The following PDZRN4 variants were observed in gnomAD, a reference collection of about 807,000 sequenced individuals.
PDZRN4 encodes PDZ domain containing ring finger 4.
A neutral mutation model predicts 99.0 loss-of-function variants in PDZRN4; 70 were observed. The ratio of observed to expected loss-of-function variants is 0.71; its 90% CI spans 0.58 to 0.86. PDZRN4 has a LOEUF of 0.86. Ranked by LOEUF, PDZRN4 falls within the 40% of genes least tolerant of loss-of-function variation. The pLI is 0.00. For missense variants in PDZRN4, 1,474 were observed against 1,331.2 expected, an observed-to-expected ratio of 1.11 and a Z score of -1.67; for synonymous variants, 551 against 501.6, an observed-to-expected ratio of 1.10 and a Z score of -1.32.
At position 41,501,202 on chromosome 12, in the gene PDZRN4, T is replaced by C. The variant is rs77777402; in HGVS notation, c.844-5254T>C. Among the ~76,000 whole-genome samples the C allele has an allele frequency of 6.1e-3, 926 of 152,266 alleles. 39 individuals carry two copies. The East Asian group carries it at 0.12, about 20-fold the overall frequency. On this transcript the variant is annotated intron_variant, in intron 3 of 9. Coordinates refer to ENST00000402685, the MANE Select transcript of PDZRN4 (RefSeq NM_001164595.2). ...ATAGGTGCTTAGAAGCCCTTATTTC[T>C]CATAAGAGGCATGGAGATTTGGAAA...
intron 3 of PDZRN4, among the ~76,000 whole-genome samples, chr12:41,450,423 C>T (rs1198224778): frequency 6.6e-6 from 1 of 152,124 alleles, no homozygotes; most frequent in African/African-American, 2.4e-5. Flanking sequence ...GATTAATTTT[C>T]CATTCCACAA....
At position 41,573,153 on chromosome 12, in the gene PDZRN4, T is replaced by A. The variant is rs750091656; in HGVS notation, c.2374T>A (p.Ser792Thr). The part of the protein sequence containing the change: ...SSGQSSKEST[S>T]TKAKTTEQGC... Reference sequence around the variant, plus strand: ...CGGACAGAGCAGTAAAGAGTCGACCTCCACCAAAGCCAAAACCACTGAGCA... The same window carrying A: ...CGGACAGAGCAGTAAAGAGTCGACCACCACCAAAGCCAAAACCACTGAGCA... Residue 792 changes from serine (S) to threonine (T), a missense_variant, in exon 10 of 10, where the codon TCC (serine) becomes ACC (threonine). By Grantham distance (58) the Ser-to-Thr change is moderately conservative (BLOSUM62 1). Coordinates refer to ENST00000402685, the MANE Select transcript of PDZRN4 (RefSeq NM_001164595.2). 2 of 1,614,034 alleles carry A rather than the reference T, an allele frequency of 1.2e-6. No homozygotes were observed. Among genetic ancestry groups the A allele is most frequent in the Admixed American group, 3.3e-5 (2 of 60,002 alleles).
At chr12:41,373,205 C>T (rs578095579) in intron 3 of PDZRN4, among the ~76,000 whole-genome samples, 11 of 151,950 alleles carry the variant, frequency 7.2e-5, no homozygotes, top group African/African-American at 1.9e-4. Flanking sequence ...ACCACAGGAC[C>T]GGGGTGAAAT....
At chr12:41,555,052 C>CAAAAAAAAAA (rs67810817) in intron 6 of PDZRN4, among the ~76,000 whole-genome samples, 8 of 113,538 alleles carry the variant, frequency 7.0e-5, no homozygotes, top group Non-Finnish European at 1.3e-4. Flanking sequence ...ACTAAAAATA[C>CAAAAAAAAAA]AAAAAAAAAA....
intron 3 of PDZRN4, among the ~76,000 whole-genome samples, chr12:41,214,047 G>T (rs576259457): frequency 2.6e-5 from 4 of 151,910 alleles, no homozygotes; most frequent in Non-Finnish European, 5.9e-5. Flanking sequence ...AAAACTGAGT[G>T]ACTGTATGGT....
At chr12:41,550,933 G>C (rs1665300595) in intron 5 of PDZRN4, among the ~76,000 whole-genome samples, 1 of 152,140 alleles carries the variant, frequency 6.6e-6, no homozygotes, top group South Asian at 2.1e-4. Context: ...AATGTACAGA[G>C]TGTTCTGGGA....
chr12:41,378,341 G>A (rs895724956), intron 3 of PDZRN4, among the ~76,000 whole-genome samples: 4 of 151,982 alleles, frequency 2.6e-5, no homozygotes, highest in Non-Finnish European at 4.4e-5. Context: ...GCTGATCATG[G>A]TGTACGAAAC....
chr12:41,224,312 G>A (rs930966522), intron 3 of PDZRN4, among the ~76,000 whole-genome samples: 1 of 152,164 alleles, frequency 6.6e-6, no homozygotes, highest in Non-Finnish European at 1.5e-5. Context: ...ACTGTGCCAT[G>A]AATCTCTTAA....
chr12:41,496,348 G>A (rs1938003217), intron 3 of PDZRN4, among the ~76,000 whole-genome samples: 1 of 152,124 alleles, frequency 6.6e-6, no homozygotes, highest in African/African-American at 2.4e-5. Flanking sequence ...CACCACCATA[G>A]CACTGTGCCG....
chr12:41,437,284 TG>T (rs1565582449), intron 3 of PDZRN4, among the ~76,000 whole-genome samples: 3 of 152,190 alleles, frequency 2.0e-5, no homozygotes, highest in Non-Finnish European at 4.4e-5. Flanking sequence ...ATTTTATAAA[TG>T]TAAATAATTA....
chr12:41,554,925 TG>T (rs1244152929), intron 6 of PDZRN4, among the ~76,000 whole-genome samples: 12 of 151,534 alleles, frequency 7.9e-5, no homozygotes, highest in Admixed American at 4.0e-4. Context: ...AGTATGGTCT[TG>T]GGCCGGACGC....
chr12:41,469,030 AC>A (rs1952960517), intron 3 of PDZRN4, among the ~76,000 whole-genome samples: 2 of 151,652 alleles, frequency 1.3e-5, no homozygotes, highest in Admixed American at 1.3e-4. Flanking sequence ...AAAAATTGTT[AC>A]TCAAATCATC....
intron 5 of PDZRN4, among the ~76,000 whole-genome samples, chr12:41,513,801 G>T (rs975131982): frequency 6.6e-6 from 1 of 152,068 alleles, no homozygotes; most frequent in Non-Finnish European, 1.5e-5. Flanking sequence ...GTTTGCAACT[G>T]CCTGAGTGCA....
At chr12:41,296,302 T>C (rs1323280050) in intron 3 of PDZRN4, among the ~76,000 whole-genome samples, 2 of 152,124 alleles carry the variant, frequency 1.3e-5, no homozygotes, top group East Asian at 3.9e-4. Context: ...ATCAAAGCAA[T>C]GGCTACCAAG....
intron 3 of PDZRN4, among the ~76,000 whole-genome samples, chr12:41,445,448 A>G (rs1952717482): frequency 6.6e-6 from 1 of 152,102 alleles, no homozygotes; most frequent in Admixed American, 6.6e-5. Context: ...ATAAAGATTA[A>G]TTGATAGTGC....
In PDZRN4 at chr12:41,197,922, T is replaced by TTTTTG. The variant is rs1566352672; in HGVS notation, c.843+3738_843+3739insGTTTT. Among the ~76,000 whole-genome samples, 3 of 136,674 alleles carry TTTTTG rather than the reference T, an allele frequency of 2.2e-5. No homozygotes were observed. The Admixed American group carries it at 2.3e-4, about 10-fold the overall frequency. The allele number at this position is 136,674 out of a possible 152,430, so 89.7% of individuals were successfully genotyped here. A position where few individuals can be genotyped will look rare whatever the true frequency, so the allele number is the denominator to read the frequency against. ...CTTCTTTTCCTTGTTTTTTCTGGGTTTTTTTTTTTGGAGACAGGATCTTGC... is the reference window on the plus strand; with the variant it reads ...CTTCTTTTCCTTGTTTTTTCTGGGTTTTTTGTTTTTTTTTGGAGACAGGATCTTGC... On this transcript the variant is annotated intron_variant, in intron 3 of 9. Coordinates refer to ENST00000402685, the MANE Select transcript of PDZRN4 (RefSeq NM_001164595.2).
At chr12:41,193,863 A>C (rs1950752841) in intron 2 of PDZRN4, among the ~76,000 whole-genome samples, 2 of 152,178 alleles carry the variant, frequency 1.3e-5, no homozygotes, top group African/African-American at 4.8e-5. Flanking sequence ...TGTGAAGTAA[A>C]TAGATAATCT....
chr12:41,312,966 TC>T (rs1951616837), intron 3 of PDZRN4, among the ~76,000 whole-genome samples: 1 of 152,192 alleles, frequency 6.6e-6, no homozygotes, highest in South Asian at 2.1e-4. Flanking sequence ...ACTCTGACTG[TC>T]CACCAGGCAT....
intron 3 of PDZRN4, among the ~76,000 whole-genome samples, chr12:41,376,012 G>GT (rs1952076498): frequency 3.3e-5 from 5 of 152,018 alleles, no homozygotes; most frequent in African/African-American, 1.2e-4. Context: ...TTCTCTGTGT[G>GT]ACTTATTTTA....
Sources: gnomAD v4.1 joint callset for allele counts (sites outside exome capture counted in the v4.1 genomes callset) on GRCh38, gnomAD v4.1.1 for gene constraint, MANE v1.5 for transcripts, NCBI Gene and HGNC (gene_info 2026-07-23, HGNC 2026-07-21) for gene names.